AHCYL1: variants seen among roughly 807,000 people sequenced by gnomAD.
The protein encoded by AHCYL1 is S-adenosylhomocysteine hydrolase-like protein 1.
AHCYL1 carries 20 observed loss-of-function variants against 79.3 expected under a neutral mutation model. That is an observed-to-expected ratio of 0.25 (90% CI 0.18 to 0.37). The LOEUF (loss-of-function observed/expected upper bound fraction) is 0.37, where lower values mean the gene tolerates loss of function less well. AHCYL1 is among the 10% of genes least tolerant of loss of function. The pLI is 1.00. For missense variants in AHCYL1, 330 were observed against 673.6 expected (o/e 0.49, Z 5.65); for synonymous variants, 223 against 242.2 (o/e 0.92, Z 0.74).
chr1:109,997,714 A>G (rs918163819), intron 1 of AHCYL1, among the ~76,000 whole-genome samples: 6 of 152,204 alleles, frequency 3.9e-5, no homozygotes, highest in African/African-American at 1.4e-4. Flanking sequence ...GAAATGGGAC[A>G]CTGGGAGAGA....
chr1:109,987,418 A>G (rs1008624738), intron 1 of AHCYL1, among the ~76,000 whole-genome samples: 4 of 152,218 alleles, frequency 2.6e-5, no homozygotes, highest in African/African-American at 9.6e-5. Flanking sequence ...TCCTTCACCT[A>G]TGAGAATTCT....
intron 5 of AHCYL1, among the ~76,000 whole-genome samples, chr1:110,014,080 C>A (rs970813725): frequency 2.0e-5 from 3 of 151,808 alleles, no homozygotes; most frequent in African/African-American, 7.3e-5. Flanking sequence ...GGATTACAGG[C>A]GTGAGACACC....
intron 16 of AHCYL1, 100 bp from the exon 17 acceptor site, chr1:110,021,574 C>T: frequency 3.4e-6 from 4 of 1,190,904 alleles, no homozygotes; most frequent in South Asian, 2.6e-5. Context: ...CCCACCCAGG[C>T]TGGGGAGGGG....
intron 1 of AHCYL1, among the ~76,000 whole-genome samples, chr1:109,988,699 AT>A (rs1344959619): frequency 6.6e-6 from 1 of 152,268 alleles, no homozygotes; most frequent in Non-Finnish European, 1.5e-5. Context: ...TCCATTAAAC[AT>A]TTTGACCTAG....
intron 3 of AHCYL1, among the ~76,000 whole-genome samples, chr1:110,012,125 C>T (rs767275464): frequency 2.6e-5 from 4 of 152,216 alleles, no homozygotes; most frequent in South Asian, 2.1e-4. Flanking sequence ...TTACTTCATT[C>T]TCTGTTCAGT....
chr1:110,020,518 G>T (rs542304479), intron 15 of AHCYL1, among the ~76,000 whole-genome samples: 2 of 151,490 alleles, frequency 1.3e-5, no homozygotes, highest in Admixed American at 6.6e-5. Context: ...TTTTCTGAAC[G>T]CACTGTACAT....
At chr1:110,015,348 G>A (rs1651347692) in intron 6 of AHCYL1, 77 bp from the exon 7 acceptor site, 1 of 1,133,472 alleles carries the variant, frequency 8.8e-7, no homozygotes, top group African/African-American at 1.5e-5. Context: ...TCTCTTACTA[G>A]TACAGAAAGT....
chr1:110,019,518 G>C (rs372384090), intron 14 of AHCYL1, 30 bp from the exon 15 acceptor site: 2 of 1,568,644 alleles, frequency 1.3e-6, no homozygotes, highest in Non-Finnish European at 1.7e-6. Flanking sequence ...AAATATTTTT[G>C]TGCTTTCTGG....
At chr1:109,985,256 G>T in intron 1 of AHCYL1, 84 bp downstream of exon 1, 1 of 1,505,858 alleles carries the variant, frequency 6.6e-7, no homozygotes. Flanking sequence ...TGGCTAGTTT[G>T]GGACTTCTGG....
At position 110,021,687 on chromosome 1, in the gene AHCYL1, A is replaced by T. The variant is rs891121579; in HGVS notation, c.*7A>T. ...CTCTCTTTACAGATACTAATGGACC[A>T]TACTACCAAGGACCAGTCCACCTGA... On this transcript the variant is annotated 3_prime_UTR_variant, in exon 17 of 17. Transcript: ENST00000369799. 1.5e-5 allele frequency: 24 copies of T among 1,611,984 alleles called. No individual in the cohort carries two copies. The highest frequency in any genetic ancestry group is 2.0e-5 in the Non-Finnish European group (24 of 1,178,428).
intron 7 of AHCYL1, 145 bp from the exon 8 acceptor site, chr1:110,016,199 T>C (rs1383227063): frequency 1.7e-6 from 1 of 578,138 alleles, no homozygotes; most frequent in Non-Finnish European, 3.1e-6. Flanking sequence ...AAGGAAATAA[T>C]CATGTTTTCT....
In AHCYL1 at chr1:110,019,751, C is replaced by T. The variant is rs1463389315; in HGVS notation, c.1465+125C>T. On this transcript the variant is annotated intron_variant, in intron 15 of 16. Coordinates refer to ENST00000369799, the MANE Select transcript of AHCYL1 (RefSeq NM_006621.7). Reference sequence around the variant, plus strand: ...GTTCCTGTGCTTACTGGTTGTTTGACCTCAGGACAAGTTCTAATCTCTATG... The same window carrying T: ...GTTCCTGTGCTTACTGGTTGTTTGATCTCAGGACAAGTTCTAATCTCTATG... 1.6e-5 allele frequency: 14 copies of T among 869,354 alleles called. No individual in the cohort carries two copies. The South Asian group carries it at 2.3e-4, about 14-fold the overall frequency. The allele number at this position is 869,354 out of a possible 1,614,324, so 53.9% of individuals were successfully genotyped here.
rs1413090025 is a variant in AHCYL1 at position 110,011,307 on chromosome 1, A to G, written c.326A>G (p.Asn109Ser). The change falls in exon 3 of 17, where the codon AAC becomes AGC. Residue 109 changes from asparagine to serine, a missense_variant. Transcript: ENST00000369799. The part of the protein sequence containing the change: ...SKGSSNFCVK[N>S]IKQAEFGRRE... The stretch of plus-strand genomic sequence containing the variant: ...GGCAGCAGCAATTTCTGTGTGAAGA[A>G]CATCAAGCAGGCAGAATTTGGACGC... 1.2e-6 allele frequency: 2 copies of G among 1,614,004 alleles called. No individual in the cohort carries two copies. Among genetic ancestry groups the G allele is most frequent in the Admixed American group, 3.3e-5 (2 of 59,998 alleles).
intron 5 of AHCYL1, among the ~76,000 whole-genome samples, chr1:110,013,551 A>G (rs1302720286): frequency 6.6e-6 from 1 of 151,950 alleles, no homozygotes; most frequent in Non-Finnish European, 1.5e-5. Context: ...CTCTACTAAA[A>G]ATACAAAAGT....
chr1:109,993,344 T>C (rs1649865273), intron 1 of AHCYL1, among the ~76,000 whole-genome samples: 2 of 152,366 alleles, frequency 1.3e-5, no homozygotes, highest in South Asian at 4.1e-4. Flanking sequence ...ACTGACCTGA[T>C]ATTTGAATTT....
At chr1:110,014,667 C>A in intron 5 of AHCYL1, 96 bp from the exon 6 acceptor site, 2 of 866,458 alleles carry the variant, frequency 2.3e-6, no homozygotes, top group Non-Finnish European at 3.6e-6. Context: ...GAAATTGTTT[C>A]TTTTGCCTTT....
At chr1:110,019,793 T>G (rs1474778307) in intron 15 of AHCYL1, among the ~76,000 whole-genome samples, 167 bp downstream of exon 15, 1 of 152,196 alleles carries the variant, frequency 6.6e-6, no homozygotes, top group Non-Finnish European at 1.5e-5. Context: ...AGTTTCTTGA[T>G]TGGTAAAATG....
intron 1 of AHCYL1, among the ~76,000 whole-genome samples, chr1:109,991,650 G>A (rs1333849438): frequency 6.6e-6 from 1 of 152,204 alleles, no homozygotes; most frequent in African/African-American, 2.4e-5. Flanking sequence ...GAACCTGCGA[G>A]TGTACGATGG....
At chr1:110,007,207 C>T (rs1157083718) in intron 1 of AHCYL1, among the ~76,000 whole-genome samples, 2 of 152,062 alleles carry the variant, frequency 1.3e-5, no homozygotes, top group Non-Finnish European at 2.9e-5. Context: ...ATGCCCAGAA[C>T]CCTTTGAAAA....
Sources: gnomAD v4.1 joint callset for allele counts (sites outside exome capture counted in the v4.1 genomes callset) on GRCh38, gnomAD v4.1.1 for gene constraint, MANE v1.5 for transcripts, NCBI Gene and HGNC (gene_info 2026-07-23, HGNC 2026-07-21) for gene names.